Variants in HCN1 observed in about 807,000 individuals in gnomAD.
HCN1 encodes the protein hyperpolarization activated cyclic nucleotide gated potassium channel 1, also known as potassium/sodium hyperpolarization-activated cyclic nucleotide-gated channel 1.
HCN1 carries 13 observed loss-of-function variants against 78.9 expected under a neutral mutation model. That is an observed-to-expected ratio of 0.16 (90% confidence interval 0.11 to 0.26). The LOEUF (loss-of-function observed/expected upper bound fraction) is 0.26. Ranked by LOEUF, HCN1 falls within the 10% of genes least tolerant of loss-of-function variation. HCN1 has a pLI of 1.00. For missense variants in HCN1, 810 were observed against 1,154.3 expected (o/e 0.70, Z 4.32); for synonymous variants, 552 against 455.5 (o/e 1.21, Z -2.70).
Position 45,373,437 on chromosome 5 carries a change from ACAT to A in HCN1, c.1231-20194_1231-20192del, listed in dbSNP as rs905321040. Among the ~76,000 whole-genome samples, 3 of 137,186 alleles carry A rather than the reference ACAT, an allele frequency of 2.2e-5. No homozygotes were observed. In the South Asian group the frequency reaches 6.6e-4, roughly 30 times the overall value. 90.0% of individuals were successfully genotyped at this position (137,186 alleles called of 152,430 possible). On this transcript the variant is annotated intron_variant, in intron 4 of 7. Coordinates refer to ENST00000303230, the MANE Select transcript of HCN1 (RefSeq NM_021072.4). ...ATTATAATATATATCCCTCAGATAT[ACAT>A]CATCTATAATTTATATTATATACAT...
intron 2 of HCN1, among the ~76,000 whole-genome samples, chr5:45,630,215 A>G (rs1743233736): frequency 6.6e-6 from 1 of 152,122 alleles, no homozygotes; most frequent in Non-Finnish European, 1.5e-5. Context: ...CCTCTTTTCC[A>G]AAACTAGTAT....
Position 45,262,925 on chromosome 5 carries a change from A to C in HCN1, c.1784-115T>G, listed in dbSNP as rs188999686. The C allele has an allele frequency of 5.0e-3, 5,556 of 1,120,172 alleles. 11 individuals are homozygous for C. Among genetic ancestry groups the C allele is most frequent in the Non-Finnish European group, 6.0e-3 (4,566 of 764,474 alleles). The allele number at this position is 1,120,172 out of a possible 1,614,324, so 69.4% of individuals were successfully genotyped here. A position where few individuals can be genotyped will look rare whatever the true frequency, so the allele number is the denominator to read the frequency against. On this transcript the variant is annotated intron_variant, in intron 7 of 7. Coordinates refer to ENST00000303230, the MANE Select transcript of HCN1 (RefSeq NM_021072.4). ...AGCTGTGCTTCACAGGAGAGGCTTA[A>C]AAAGCCAGTCACTCACCTTTACACA...
chr5:45,491,450 G>A (rs903127194), intron 2 of HCN1, among the ~76,000 whole-genome samples: 14 of 151,810 alleles, frequency 9.2e-5, no homozygotes, highest in African/African-American at 3.4e-4. Flanking sequence ...AGCAGGTAGG[G>A]GCCTTTAACT....
At chr5:45,342,854 T>A (rs549911245) in intron 5 of HCN1, among the ~76,000 whole-genome samples, 14 of 152,184 alleles carry the variant, frequency 9.2e-5, no homozygotes, top group Non-Finnish European at 1.6e-4. Context: ...ATAGACGAAA[T>A]GTTCCTTGCA....
chr5:45,539,095 C>T (rs574345372), intron 2 of HCN1, among the ~76,000 whole-genome samples: 59 of 152,290 alleles, frequency 3.9e-4, no homozygotes, highest in African/African-American at 1.4e-3. Context: ...GCAGCAGTCA[C>T]ACAAATCTCA....
At chr5:45,358,044 C>G (rs953784858) in intron 4 of HCN1, among the ~76,000 whole-genome samples, 1 of 152,074 alleles carries the variant, frequency 6.6e-6, no homozygotes, top group African/African-American at 2.4e-5. Context: ...GCCTGAGGCC[C>G]TCACCAATAC....
intron 1 of HCN1, among the ~76,000 whole-genome samples, chr5:45,659,214 G>A (rs940658823): frequency 6.1e-5 from 9 of 146,988 alleles, no homozygotes; most frequent in African/African-American, 2.3e-4. Context: ...CACACGGCAG[G>A]GTATTCTAAC....
chr5:45,588,250 C>G (rs894890053), intron 2 of HCN1, among the ~76,000 whole-genome samples: 4 of 152,038 alleles, frequency 2.6e-5, no homozygotes, highest in African/African-American at 7.3e-5. Context: ...TATATTCCGG[C>G]AAGACTACAC....
intron 2 of HCN1, among the ~76,000 whole-genome samples, chr5:45,561,307 AT>A (rs1156508903): frequency 2.0e-5 from 3 of 151,852 alleles, no homozygotes; most frequent in African/African-American, 7.3e-5. Flanking sequence ...CCTGAGTGTA[AT>A]TTTTTGGCAT....
At chr5:45,373,147 A>T (rs1482513845) in intron 4 of HCN1, among the ~76,000 whole-genome samples, 2 of 124,162 alleles carry the variant, frequency 1.6e-5, no homozygotes, top group South Asian at 2.3e-4. Flanking sequence ...AGTATATAAT[A>T]TATATAAAAA....
chr5:45,530,057 A>G (rs1214500281), intron 2 of HCN1, among the ~76,000 whole-genome samples: 1 of 152,118 alleles, frequency 6.6e-6, no homozygotes, highest in Non-Finnish European at 1.5e-5. Context: ...CATAATAGAG[A>G]CGAATTAAGA....
intron 1 of HCN1, among the ~76,000 whole-genome samples, chr5:45,649,569 C>T (rs571828749): frequency 6.6e-6 from 1 of 151,890 alleles, no homozygotes; most frequent in South Asian, 2.1e-4. Context: ...CCTTCTTTCA[C>T]CTCATTTGTT....
intron 6 of HCN1, among the ~76,000 whole-genome samples, chr5:45,271,614 T>G (rs1744962720): frequency 6.6e-6 from 1 of 152,160 alleles, no homozygotes; most frequent in South Asian, 2.1e-4. Flanking sequence ...TAACTTAGAC[T>G]TCATTCAACA....
intron 2 of HCN1, among the ~76,000 whole-genome samples, chr5:45,493,237 T>C (rs895800250): frequency 1.3e-5 from 2 of 152,026 alleles, no homozygotes; most frequent in Non-Finnish European, 2.9e-5. Context: ...ATGACATATG[T>C]ATATATAGAT....
intron 1 of HCN1, among the ~76,000 whole-genome samples, chr5:45,650,467 G>A (rs922320699): frequency 1.3e-5 from 2 of 151,864 alleles, no homozygotes; most frequent in Admixed American, 6.6e-5. Flanking sequence ...AAACTGTTAC[G>A]TAGAAACTTC....
rs1252759012 is a variant in HCN1, at chr5:45,450,854, A to G, written c.1011+10992T>C. The stretch of plus-strand genomic sequence containing the variant: ...AAGTTTTATCTCCTTTGCAAGAAAT[A>G]GGGCAGGCTTCAGTACCACCTAGTG... On this transcript the variant is annotated intron_variant, in intron 3 of 7. Transcript: ENST00000303230. Among the ~76,000 whole-genome samples the G allele has an allele frequency of 2.0e-5, 3 of 152,184 alleles. No homozygotes were observed. The East Asian group carries it at 5.8e-4, about 29-fold the overall frequency.
chr5:45,298,507 C>G (rs760766365), intron 6 of HCN1, among the ~76,000 whole-genome samples: 34 of 151,854 alleles, frequency 2.2e-4, no homozygotes, highest in Non-Finnish European at 4.6e-4. Flanking sequence ...GACAAAGGGA[C>G]AGAGGGGCTA....
chr5:45,419,876 C>A (rs947999840), intron 3 of HCN1, among the ~76,000 whole-genome samples: 1 of 152,196 alleles, frequency 6.6e-6, no homozygotes, highest in African/African-American at 2.4e-5. Context: ...ATTCCACCCA[C>A]AACTTGGTAA....
chr5:45,336,571 G>C (rs1311867971), intron 5 of HCN1, among the ~76,000 whole-genome samples: 1 of 152,078 alleles, frequency 6.6e-6, no homozygotes. Flanking sequence ...GGTTTGGACA[G>C]GGGAACTTGA....
Sources: allele counts gnomAD v4.1 joint callset (sites outside exome capture counted in the v4.1 genomes callset), GRCh38; gene constraint gnomAD v4.1.1; transcripts MANE v1.5; gene names NCBI Gene and HGNC (gene_info 2026-07-23, HGNC 2026-07-21).